CACNA2D1: variants seen among roughly 807,000 people sequenced by gnomAD.
CACNA2D1 encodes the protein voltage-dependent calcium channel subunit alpha-2/delta-1.
A neutral mutation model predicts 171.5 loss-of-function variants in CACNA2D1; 53 were observed. That is an observed-to-expected ratio of 0.31 (90% CI 0.25 to 0.39). The LOEUF (loss-of-function observed/expected upper bound fraction) is 0.39. CACNA2D1 is among the 10% of genes least tolerant of loss of function. The pLI is 1.00. For synonymous variants in CACNA2D1, 442 were observed against 443.1 expected (o/e 1.00, Z 0.03); for missense variants, 903 against 1,299.8 (o/e 0.69, Z 4.69).
intron 18 of CACNA2D1, among the ~76,000 whole-genome samples, chr7:82,003,664 GAT>G (rs1476750675): frequency 6.7e-6 from 1 of 149,982 alleles, no homozygotes; most frequent in East Asian, 1.9e-4. Context: ...TTCTGTCTAT[GAT>G]ATATGTTAGT....
intron 1 of CACNA2D1, among the ~76,000 whole-genome samples, chr7:82,413,075 T>C (rs1031540878): frequency 2.6e-5 from 4 of 152,154 alleles, no homozygotes; most frequent in Non-Finnish European, 5.9e-5. Context: ...GTCCCATATC[T>C]ATATATTATT....
At chr7:82,137,223 CA>C (rs1243608965) in intron 4 of CACNA2D1, among the ~76,000 whole-genome samples, 2 of 152,060 alleles carry the variant, frequency 1.3e-5, no homozygotes, top group African/African-American at 2.4e-5. Flanking sequence ...CATATTCTAG[CA>C]AAGTGGTGAA....
chr7:82,289,480 G>A (rs954642451), intron 3 of CACNA2D1, among the ~76,000 whole-genome samples: 1 of 152,156 alleles, frequency 6.6e-6, no homozygotes, highest in East Asian at 1.9e-4. Flanking sequence ...AATGGGACTA[G>A]AATTGAACAC....
chr7:82,386,741 A>C (rs1375777072), intron 1 of CACNA2D1, among the ~76,000 whole-genome samples: 3 of 135,604 alleles, frequency 2.2e-5, no homozygotes, highest in Non-Finnish European at 4.5e-5. Flanking sequence ...CTCAAAAATA[A>C]ATAAATAAAT....
chr7:81,962,960 T>C (rs1294812827), intron 34 of CACNA2D1, among the ~76,000 whole-genome samples: 9 of 152,034 alleles, frequency 5.9e-5, no homozygotes, highest in Admixed American at 5.3e-4. Context: ...TTTGTAAATA[T>C]GTAATGTAAC....
chr7:82,434,658 G>A (rs1829970348), intron 1 of CACNA2D1, among the ~76,000 whole-genome samples: 1 of 152,042 alleles, frequency 6.6e-6, no homozygotes, highest in African/African-American at 2.4e-5. Flanking sequence ...GTTTGCTAAG[G>A]ATAATGTCTT....
chr7:82,401,473 G>A (rs879398577), intron 1 of CACNA2D1, among the ~76,000 whole-genome samples: 2 of 148,166 alleles, frequency 1.3e-5, no homozygotes, highest in Admixed American at 6.8e-5. Flanking sequence ...ACCAAACACC[G>A]CATATTCTCA....
chr7:82,234,576 A>T (rs1803326887), intron 3 of CACNA2D1, among the ~76,000 whole-genome samples: 1 of 141,866 alleles, frequency 7.0e-6, no homozygotes, highest in Non-Finnish European at 1.6e-5. Flanking sequence ...ATTTTCAAGA[A>T]TATCACTTTA....
At chr7:82,203,604 C>T (rs1799706522) in intron 3 of CACNA2D1, among the ~76,000 whole-genome samples, 1 of 152,178 alleles carries the variant, frequency 6.6e-6, no homozygotes, top group Admixed American at 6.5e-5. Context: ...GGCACAAGCC[C>T]TACGGGTAGT....
At chr7:82,250,934 A>G (rs1431403859) in intron 3 of CACNA2D1, among the ~76,000 whole-genome samples, 1 of 152,196 alleles carries the variant, frequency 6.6e-6, no homozygotes, top group Non-Finnish European at 1.5e-5. Context: ...ATTTTTAATA[A>G]CCTTTTCCCA....
intron 1 of CACNA2D1, among the ~76,000 whole-genome samples, chr7:82,361,219 T>C (rs1034331599): frequency 1.3e-5 from 2 of 152,180 alleles, no homozygotes; most frequent in African/African-American, 4.8e-5. Flanking sequence ...TAGATAGGAA[T>C]TACAGCCAGC....
chr7:82,296,048 G>T (rs146671622), intron 3 of CACNA2D1, among the ~76,000 whole-genome samples: 2 of 147,800 alleles, frequency 1.4e-5, no homozygotes, highest in African/African-American at 5.0e-5. Flanking sequence ...TCATAGATGG[G>T]AATTGAACAA....
At chr7:82,403,917 A>G (rs1826737835) in intron 1 of CACNA2D1, among the ~76,000 whole-genome samples, 1 of 152,248 alleles carries the variant, frequency 6.6e-6, no homozygotes, top group Non-Finnish European at 1.5e-5. Flanking sequence ...TTCCAATATC[A>G]TCCAAATCCA....
intron 3 of CACNA2D1, among the ~76,000 whole-genome samples, chr7:82,288,686 C>T (rs1396517954): frequency 3.3e-5 from 5 of 152,188 alleles, no homozygotes; most frequent in Admixed American, 2.0e-4. Flanking sequence ...TGAAGCTCTT[C>T]GTAATTTCCC....
chr7:82,365,012 A>C (rs1821523100), intron 1 of CACNA2D1, among the ~76,000 whole-genome samples: 3 of 152,180 alleles, frequency 2.0e-5, no homozygotes, highest in Admixed American at 2.0e-4. Context: ...GCCACCTGGC[A>C]CTAGATAAGA....
At position 82,043,794 on chromosome 7, in the gene CACNA2D1, C is replaced by T. The variant is rs557573237; in HGVS notation, c.880-5559G>A. On this transcript the variant is annotated intron_variant, in intron 10 of 38. Coordinates refer to ENST00000356860, the MANE Select transcript of CACNA2D1 (RefSeq NM_000722.4). Reference sequence around the variant, plus strand: ...TACAAACAATGAAATATTCCTGTTGCCTTAATACACGCTACAAGTCAAAGA... The same window carrying T: ...TACAAACAATGAAATATTCCTGTTGTCTTAATACACGCTACAAGTCAAAGA... Among the ~76,000 whole-genome samples, 3 of 152,242 alleles carry T rather than the reference C, an allele frequency of 2.0e-5. No individual in the cohort carries two copies. In the East Asian group the frequency reaches 5.8e-4, roughly 29 times the overall value.
intron 24 of CACNA2D1, among the ~76,000 whole-genome samples, chr7:81,975,392 A>C (rs1283481819): frequency 6.6e-6 from 1 of 152,160 alleles, no homozygotes; most frequent in Non-Finnish European, 1.5e-5. Context: ...AATTATCTTT[A>C]ATTCCTGACA....
intron 1 of CACNA2D1, among the ~76,000 whole-genome samples, chr7:82,377,878 G>T (rs1823200311): frequency 6.6e-6 from 1 of 152,114 alleles, no homozygotes. Flanking sequence ...TTCATCCAAA[G>T]GATGTAGTCT....
Position 81,959,240 on chromosome 7 carries a change from T to C in CACNA2D1, c.3159+35A>G, listed in dbSNP as rs774961916. On this transcript the variant is annotated intron_variant, in intron 38 of 38. Transcript: ENST00000356860. The stretch of plus-strand genomic sequence containing the variant: ...TTCTTGCGGACAGTGACCATTAATT[T>C]ATAGTATTTTAATCCAGTAGAAGTG... The C allele has an allele frequency of 2.0e-5, 28 of 1,396,518 alleles. No homozygotes were observed. The Admixed American group carries it at 4.5e-4, about 23-fold the overall frequency. 86.5% of individuals were successfully genotyped at this position (1,396,518 alleles called of 1,614,324 possible). A position where few individuals can be genotyped will look rare whatever the true frequency, so the allele number is the denominator to read the frequency against.
Sources: gnomAD v4.1 joint callset for allele counts (sites outside exome capture counted in the v4.1 genomes callset) on GRCh38, gnomAD v4.1.1 for gene constraint, MANE v1.5 for transcripts, NCBI Gene and HGNC (gene_info 2026-07-23, HGNC 2026-07-21) for gene names.